PTPRM: variants seen among roughly 807,000 people sequenced by gnomAD.
PTPRM encodes receptor-type tyrosine-protein phosphatase mu.
Under a neutral mutation model 186.7 loss-of-function variants are expected in PTPRM, and 47 were observed. The observed-to-expected ratio is 0.25, with a 90% CI of 0.20 to 0.32. The LOEUF is 0.32. Among genes scored for constraint, PTPRM ranks in the 10% least tolerant of loss-of-function variants. The probability of loss-of-function intolerance (pLI) is 1.00; values close to 1 mark genes in which losing one functional copy is unlikely to be tolerated. For synonymous variants in PTPRM, 668 were observed against 674.9 expected, an observed-to-expected ratio of 0.99 and a Z score of 0.16; for missense variants, 1,494 against 1,865.0, an observed-to-expected ratio of 0.80 and a Z score of 3.66.
At chr18:7,665,569 G>A (rs1414976905) in intron 1 of PTPRM, among the ~76,000 whole-genome samples, 1 of 152,136 alleles carries the variant, frequency 6.6e-6, no homozygotes, top group East Asian at 1.9e-4. Flanking sequence ...TAATTTAGAA[G>A]AGCATTAAAT....
At chr18:7,626,840 TCTGGAACTCCTGTGTAAA>T (rs1216452546) in intron 1 of PTPRM, among the ~76,000 whole-genome samples, 1 of 152,136 alleles carries the variant, frequency 6.6e-6, no homozygotes, top group Non-Finnish European at 1.5e-5. Context: ...CTCCTGAGTA[TCTGGAACTCCTGTGTAAA>T]CATTTTAAAA....
At chr18:7,697,358 T>C (rs1406360375) in intron 1 of PTPRM, among the ~76,000 whole-genome samples, 5 of 152,226 alleles carry the variant, frequency 3.3e-5, no homozygotes, top group African/African-American at 1.2e-4. Flanking sequence ...TTCTCTTGAA[T>C]TCTTTTTTTA....
intron 7 of PTPRM, among the ~76,000 whole-genome samples, chr18:8,002,954 G>A (rs1014531949): frequency 3.3e-5 from 5 of 152,056 alleles, no homozygotes; most frequent in African/African-American, 9.7e-5. Flanking sequence ...ATTAAAAACT[G>A]AAATATCAAA....
At chr18:7,836,560 C>T (rs1033710410) in intron 2 of PTPRM, among the ~76,000 whole-genome samples, 1 of 152,058 alleles carries the variant, frequency 6.6e-6, no homozygotes, top group Non-Finnish European at 1.5e-5. Context: ...GTGTTATATT[C>T]TGTGATTTTC....
intron 14 of PTPRM, among the ~76,000 whole-genome samples, chr18:8,156,577 C>G (rs1390818202): frequency 2.0e-5 from 3 of 152,158 alleles, no homozygotes; most frequent in Non-Finnish European, 4.4e-5. Flanking sequence ...TCCCAGGGCA[C>G]GTAGGTAGTC....
chr18:7,571,196 T>G (rs1167125039), intron 1 of PTPRM, among the ~76,000 whole-genome samples: 1 of 152,174 alleles, frequency 6.6e-6, no homozygotes, highest in Non-Finnish European at 1.5e-5. Flanking sequence ...TGCCTTGGCC[T>G]CCCAAAGTGC....
intron 2 of PTPRM, among the ~76,000 whole-genome samples, chr18:7,846,434 C>T (rs184779263): frequency 2.8e-4 from 43 of 152,304 alleles, no homozygotes; most frequent in Admixed American, 1.1e-3. Flanking sequence ...TTTGCTATAA[C>T]GAGTAAGAAC....
At chr18:8,350,656 C>T (rs1168237604) in intron 23 of PTPRM, among the ~76,000 whole-genome samples, 1 of 152,212 alleles carries the variant, frequency 6.6e-6, no homozygotes, top group East Asian at 1.9e-4. Context: ...CTCATCTGTT[C>T]AGAATCCTTC....
chr18:7,829,736 A>G (rs983827042), intron 2 of PTPRM, among the ~76,000 whole-genome samples: 1 of 152,140 alleles, frequency 6.6e-6, no homozygotes, highest in African/African-American at 2.4e-5. Flanking sequence ...CTTCCAAAAC[A>G]TTTCTATTTT....
At chr18:8,117,831 G>C (rs2092013836) in intron 13 of PTPRM, among the ~76,000 whole-genome samples, 1 of 152,180 alleles carries the variant, frequency 6.6e-6, no homozygotes, top group Non-Finnish European at 1.5e-5. Context: ...GTTTTTAATT[G>C]TATAGTGGAG....
intron 1 of PTPRM, among the ~76,000 whole-genome samples, chr18:7,768,059 A>C (rs1235664394): frequency 1.3e-5 from 2 of 152,208 alleles, no homozygotes; most frequent in Non-Finnish European, 2.9e-5. Context: ...AGCCTGCTCT[A>C]AGGAGTACCA....
intron 2 of PTPRM, among the ~76,000 whole-genome samples, chr18:7,861,286 G>A (rs996844215): frequency 6.6e-6 from 1 of 152,000 alleles, no homozygotes; most frequent in Non-Finnish European, 1.5e-5. Flanking sequence ...AAAAAATTAT[G>A]GTTTGTGCTT....
rs188587151 is a variant in PTPRM at position 8,201,825 on chromosome 18, C to T, written c.2301-42233C>T. On this transcript the variant is annotated intron_variant, in intron 14 of 32. Coordinates refer to ENST00000580170, the MANE Select transcript of PTPRM (RefSeq NM_001105244.2). The stretch of plus-strand genomic sequence containing the variant: ...AATCACATTGAGGATAGGGATTCGA[C>T]ATATGAATTTTGGAGGGGCACAATT... Among the ~76,000 whole-genome samples the T allele has an allele frequency of 1.4e-3, 214 of 152,314 alleles. 1 individual carries two copies. The highest frequency in any genetic ancestry group is 1.9e-3 in the Non-Finnish European group (132 of 68,026).
At chr18:7,964,253 A>G (rs749451714) in intron 7 of PTPRM, among the ~76,000 whole-genome samples, 62 of 152,328 alleles carry the variant, frequency 4.1e-4, no homozygotes, top group Middle Eastern at 3.4e-3. Flanking sequence ...ATTATCATAG[A>G]GGCTTATACT....
At chr18:8,099,137 CTT>C (rs916755988) in intron 11 of PTPRM, among the ~76,000 whole-genome samples, 4 of 149,706 alleles carry the variant, frequency 2.7e-5, no homozygotes, top group African/African-American at 1.0e-4. Flanking sequence ...TCCACAGTCT[CTT>C]TCTCTCTCTC....
intron 2 of PTPRM, among the ~76,000 whole-genome samples, chr18:7,877,593 T>C (rs1031449878): frequency 6.6e-6 from 1 of 152,234 alleles, no homozygotes; most frequent in African/African-American, 2.4e-5. Flanking sequence ...CCTTATTTAA[T>C]TTATTCAACC....
At chr18:8,240,618 GGAGAGAGAGA>G (rs372227037) in intron 14 of PTPRM, among the ~76,000 whole-genome samples, 8 of 34,800 alleles carry the variant, frequency 2.3e-4, no homozygotes, top group African/African-American at 4.9e-4. Flanking sequence ...AGAGAGGGAG[GGAGAGAGAGA>G]GAGAGAGAGA....
intron 14 of PTPRM, among the ~76,000 whole-genome samples, chr18:8,208,457 T>C (rs1189438431): frequency 6.6e-6 from 1 of 152,182 alleles, no homozygotes; most frequent in Non-Finnish European, 1.5e-5. Flanking sequence ...AAAATAAAGC[T>C]GGGAAGGTAG....
Position 8,379,266 on chromosome 18 carries a change from C to G in PTPRM, c.3712C>G (p.Pro1238Ala). The G allele has an allele frequency of 6.2e-7, 1 of 1,614,110 alleles. No individual in the cohort carries two copies. Among genetic ancestry groups the G allele is most frequent in the Non-Finnish European group, 8.5e-7 (1 of 1,180,004 alleles). ...EKNRCMDILP[P>A]DRCLPFLITI... Reference sequence around the variant, plus strand: ...AAACCGGTGCATGGACATCCTGCCCCCAGACCGCTGCCTGCCCTTCCTCAT... The same window carrying G: ...AAACCGGTGCATGGACATCCTGCCCGCAGACCGCTGCCTGCCCTTCCTCAT... The change falls in exon 28 of 33, where the codon CCA becomes GCA. Residue 1238 changes from proline to alanine, a missense_variant. By Grantham distance (27) the Pro-to-Ala change is conservative (BLOSUM62 -1). Transcript: ENST00000580170.
Sources: allele counts gnomAD v4.1 joint callset (sites outside exome capture counted in the v4.1 genomes callset), GRCh38; gene constraint gnomAD v4.1.1; transcripts MANE v1.5; gene names NCBI Gene and HGNC (gene_info 2026-07-23, HGNC 2026-07-21).